The following TMEM131 variants were observed in gnomAD, a reference collection of about 807,000 sequenced individuals.
The protein encoded by TMEM131 is 2610524E03Rik.
TMEM131 carries 66 observed loss-of-function variants against 211.6 expected under a neutral mutation model. The ratio of observed to expected loss-of-function variants is 0.31; its 90% CI spans 0.26 to 0.38. The LOEUF (loss-of-function observed/expected upper bound fraction) is 0.38, where lower values mean the gene tolerates loss of function less well. Ranked by LOEUF, TMEM131 falls within the 10% of genes least tolerant of loss-of-function variation. TMEM131 has a pLI of 1.00. For missense variants in TMEM131, 2,036 were observed against 2,299.3 expected (o/e 0.89, Z 2.34); for synonymous variants, 844 against 841.3 (o/e 1.00, Z -0.06).
chr2:97,902,218 C>A (rs959534530), intron 3 of TMEM131, among the ~76,000 whole-genome samples: 2 of 152,088 alleles, frequency 1.3e-5, no homozygotes, highest in African/African-American at 4.8e-5. Flanking sequence ...AGATGAAGAA[C>A]ATTATAACCC....
chr2:97,967,639 T>C (rs1241350203), intron 1 of TMEM131, among the ~76,000 whole-genome samples: 2 of 152,050 alleles, frequency 1.3e-5, no homozygotes, highest in African/African-American at 2.4e-5. Flanking sequence ...TTCAAGAGGG[T>C]TGATAGTGGG....
intron 8 of TMEM131, among the ~76,000 whole-genome samples, chr2:97,835,686 C>A (rs1438664615): frequency 6.6e-6 from 1 of 152,060 alleles, no homozygotes; most frequent in African/African-American, 2.4e-5. Flanking sequence ...TTTTTAGTCC[C>A]AAAGTAGAAA....
rs1038883156 is a variant in TMEM131 at position 97,794,853 on chromosome 2, T to C, written c.3386+77A>G. 8 of 1,245,924 alleles carry C rather than the reference T, an allele frequency of 6.4e-6. No individual in the cohort carries two copies. In the African/African-American group the frequency reaches 9.1e-5, roughly 14 times the overall value. The allele number at this position is 1,245,924 out of a possible 1,614,324, so 77.2% of individuals were successfully genotyped here. ...TGGCATATCCTAGCACTCAGAACAG[T>C]GGCTGGCACACAGTGGGCACTCGAT... On this transcript the variant is annotated intron_variant, in intron 29 of 40. Transcript: ENST00000186436.
intron 7 of TMEM131, among the ~76,000 whole-genome samples, chr2:97,838,377 G>C (rs745553660): frequency 2.0e-5 from 3 of 147,530 alleles, no homozygotes; most frequent in African/African-American, 4.9e-5. Context: ...TCCTCCAGGA[G>C]TGAATAAAAA....
chr2:97,802,894 C>T, intron 22 of TMEM131, 104 bp from the exon 23 acceptor site: 1 of 980,648 alleles, frequency 1.0e-6, no homozygotes, highest in Non-Finnish European at 1.5e-6. Context: ...TTTTTGCTGG[C>T]CCTGAAAAAA....
chr2:97,848,391 T>A (rs1213386783), intron 5 of TMEM131, among the ~76,000 whole-genome samples: 1 of 152,236 alleles, frequency 6.6e-6, no homozygotes, highest in Non-Finnish European at 1.5e-5. Context: ...CAGGACTTCA[T>A]GCAGATACCA....
chr2:97,947,012 T>A (rs560978504), intron 1 of TMEM131, among the ~76,000 whole-genome samples: 10 of 152,008 alleles, frequency 6.6e-5, no homozygotes, highest in African/African-American at 2.4e-4. Flanking sequence ...AAATTCATCA[T>A]CCATTCATGG....
chr2:97,876,029 C>A (rs569272992), intron 4 of TMEM131, among the ~76,000 whole-genome samples: 1 of 152,262 alleles, frequency 6.6e-6, no homozygotes, highest in African/African-American at 2.4e-5. Flanking sequence ...GGGGATATCA[C>A]CACTTATCCA....
intron 5 of TMEM131, among the ~76,000 whole-genome samples, chr2:97,851,035 C>G (rs1673602510): frequency 6.6e-6 from 1 of 151,230 alleles, no homozygotes. Flanking sequence ...GATAGGAGAT[C>G]TGAGTTTCTA....
chr2:97,791,452 C>A (rs1680493583), intron 31 of TMEM131, among the ~76,000 whole-genome samples: 1 of 152,240 alleles, frequency 6.6e-6, no homozygotes, highest in Non-Finnish European at 1.5e-5. Context: ...CAAGCTGTGA[C>A]CCGCTCTGTG....
intron 35 of TMEM131, 86 bp from the exon 36 acceptor site, chr2:97,762,286 G>A (rs1559342347): frequency 2.2e-6 from 3 of 1,353,644 alleles, no homozygotes; most frequent in African/African-American, 1.5e-5. Context: ...CTAAGACTAT[G>A]CATAACTCAA....
rs377639926 is a variant in TMEM131 at position 97,946,613 on chromosome 2, A to G, written c.188-19126T>C. ...TTGTAGTTAAAATCTTCTCACAAAG[A>G]TAACTCCAGGATTAGATGTATTTAA... On this transcript the variant is annotated intron_variant, in intron 1 of 40. Transcript: ENST00000186436. 1.1e-4 allele frequency among the ~76,000 whole-genome samples: 17 copies of G among 152,156 alleles called. No individual in the cohort carries two copies. In the South Asian group the frequency reaches 3.1e-3, roughly 28 times the overall value.
At chr2:97,820,317 GGTGA>G (rs1208371304) in intron 11 of TMEM131, among the ~76,000 whole-genome samples, 1 of 152,186 alleles carries the variant, frequency 6.6e-6, no homozygotes, top group Non-Finnish European at 1.5e-5. Context: ...TTCACTGAAA[GGTGA>G]GTGTGTGTAT....
At chr2:97,765,977 G>A (rs1679143363) in intron 35 of TMEM131, 137 bp downstream of exon 35, 1 of 1,110,660 alleles carries the variant, frequency 9.0e-7, no homozygotes, top group African/African-American at 1.6e-5. Context: ...GATTAGGCTA[G>A]TTAACAATGG....
At chr2:97,839,937 T>G (rs1354441883) in intron 7 of TMEM131, among the ~76,000 whole-genome samples, 1 of 152,212 alleles carries the variant, frequency 6.6e-6, no homozygotes, top group African/African-American at 2.4e-5. Context: ...CATTCATGTT[T>G]GAATTGTTAA....
Position 97,762,043 on chromosome 2 carries a change from G to C in TMEM131, c.4881C>G (p.Ser1627Arg), listed in dbSNP as rs780379507. ...GGAAGCAGCAGGCCTACCTGCTGGA[G>C]CTGCTGTTGACGATGCTGCTGTAGC... ...RGSYSSIVNS[S>R]SSSDPKIKQP... The change falls in exon 36 of 41, where the codon AGC becomes AGG. Residue 1627 changes from serine to arginine, a missense_variant. Physicochemically the swap from Ser to Arg is moderately radical, Grantham distance 110. Around this residue, in one of 3 missense-constraint regions of TMEM131, gnomAD observed 1,623 missense variants for 1,805.9 expected, o/e 0.90. Transcript: ENST00000186436. The C allele has an allele frequency of 2.6e-6, 4 of 1,566,104 alleles. No homozygotes were observed. Among genetic ancestry groups the C allele is most frequent in the Middle Eastern group, 1.7e-4 (1 of 5,786 alleles).
At chr2:97,798,436 G>C (rs922502103) in intron 25 of TMEM131, among the ~76,000 whole-genome samples, 1 of 152,244 alleles carries the variant, frequency 6.6e-6, no homozygotes, top group East Asian at 1.9e-4. Context: ...ATCGGTGTGT[G>C]TTTCACACAT....
chr2:97,879,771 C>T lies in TMEM131; in HGVS notation c.359+8281G>A, dbSNP rs1450770685. Among the ~76,000 whole-genome samples the T allele has an allele frequency of 2.0e-5, 3 of 152,100 alleles. 1 individual carries two copies. Among genetic ancestry groups the T allele is most frequent in the Non-Finnish European group, 4.4e-5 (3 of 68,026 alleles). On this transcript the variant is annotated intron_variant, in intron 4 of 40. Coordinates refer to ENST00000186436, the MANE Select transcript of TMEM131 (RefSeq NM_015348.2). ...TTTAGCTTCCTTTATGGTAAAAATA[C>T]AGTACATATAATGCCTATTACATAC...
rs1679508653 is a variant in TMEM131, at chr2:97,772,389, A to G, written c.4356T>C (p.Pro1452=). Residue 1452 remains proline, a synonymous_variant, in exon 33 of 41, where the codon CCT becomes CCC. Coordinates refer to ENST00000186436, the MANE Select transcript of TMEM131 (RefSeq NM_015348.2). ...GAGACATTTCACTTTCATGTTTTTC[A>G]GGCATGGCTTGTTTTCCCTTTTGCT... ...TEKQKGKQAM[P]EKHESEMSQV... 2 of 1,610,634 alleles carry G rather than the reference A, an allele frequency of 1.2e-6. No homozygotes were observed. The highest frequency in any genetic ancestry group is 4.5e-5 in the East Asian group (2 of 44,860).
Sources: allele counts gnomAD v4.1 joint callset (sites outside exome capture counted in the v4.1 genomes callset), GRCh38; gene constraint gnomAD v4.1.1; regional missense constraint gnomAD v4.1.1; transcripts MANE v1.5; gene names NCBI Gene and HGNC (gene_info 2026-07-23, HGNC 2026-07-21).